Variants in DNAJC5B observed in about 807,000 individuals in gnomAD.
The protein encoded by DNAJC5B is DnaJ heat shock protein family (Hsp40) member C5 beta.
DNAJC5B carries 23 observed loss-of-function variants against 24.7 expected under a neutral mutation model. The ratio of observed to expected loss-of-function variants is 0.93; its 90% CI spans 0.67 to 1.32. The LOEUF is 1.32. DNAJC5B is among the 40% of genes most tolerant of loss of function. The pLI is 0.00. For synonymous variants in DNAJC5B, 101 were observed against 90.1 expected (o/e 1.12, Z -0.68); for missense variants, 238 against 240.8 (o/e 0.99, Z 0.08).
intron 2 of DNAJC5B, among the ~76,000 whole-genome samples, chr8:66,049,433 T>C (rs1247307800): frequency 6.6e-6 from 1 of 152,242 alleles, no homozygotes; most frequent in Non-Finnish European, 1.5e-5. Context: ...TCACACTACA[T>C]TTTTACGGTA....
chr8:66,067,951 A>G (rs1208012201), intron 3 of DNAJC5B, among the ~76,000 whole-genome samples: 2 of 152,230 alleles, frequency 1.3e-5, no homozygotes, highest in Non-Finnish European at 1.5e-5. Flanking sequence ...TTACAGAGAA[A>G]TAAATAATAG....
At chr8:66,094,262 T>A (rs942445555) in intron 5 of DNAJC5B, among the ~76,000 whole-genome samples, 2 of 152,092 alleles carry the variant, frequency 1.3e-5, no homozygotes, top group African/African-American at 2.4e-5. Flanking sequence ...AATCTACAGA[T>A]CAACAGGTAG....
At chr8:66,077,358 A>C (rs1022044017) in intron 4 of DNAJC5B, among the ~76,000 whole-genome samples, 3 of 152,168 alleles carry the variant, frequency 2.0e-5, no homozygotes, top group Admixed American at 6.6e-5. Flanking sequence ...GGAAAAGGTG[A>C]GAATTTACTA....
intron 5 of DNAJC5B, among the ~76,000 whole-genome samples, chr8:66,091,431 G>T (rs1807844702): frequency 6.6e-6 from 1 of 152,124 alleles, no homozygotes; most frequent in Non-Finnish European, 1.5e-5. Context: ...TGGGGATGGT[G>T]CACTCTAGAA....
intron 3 of DNAJC5B, among the ~76,000 whole-genome samples, chr8:66,059,747 C>T (rs1807041188): frequency 6.6e-6 from 1 of 152,172 alleles, no homozygotes. Context: ...GCCATGTTGC[C>T]ACCCTGTAGC....
At chr8:66,099,036 T>TCACACA (rs34531773) in intron 5 of DNAJC5B, among the ~76,000 whole-genome samples, 5,076 of 146,222 alleles carry the variant, frequency 0.035, 107 homozygotes, top group Non-Finnish European at 0.043. Flanking sequence ...TCTCTCTCTG[T>TCACACA]CACACACACA....
chr8:66,026,561 C>T (rs1237222577), intron 1 of DNAJC5B, among the ~76,000 whole-genome samples: 1 of 152,262 alleles, frequency 6.6e-6, no homozygotes, highest in Non-Finnish European at 1.5e-5. Context: ...CCTTGGCAGG[C>T]GGCCACACTG....
chr8:66,031,455 A>AT (rs367868108), intron 1 of DNAJC5B, among the ~76,000 whole-genome samples: 3 of 152,050 alleles, frequency 2.0e-5, no homozygotes, highest in African/African-American at 4.8e-5. Context: ...AAAGCAACCT[A>AT]TTTTTTTTAA....
chr8:66,053,440 G>A (rs1806895168), intron 3 of DNAJC5B, among the ~76,000 whole-genome samples: 1 of 152,120 alleles, frequency 6.6e-6, no homozygotes, highest in African/African-American at 2.4e-5. Flanking sequence ...AAAAAAAAAT[G>A]TTGAGTACAA....
chr8:66,029,871 G>A lies in DNAJC5B; in HGVS notation c.-142+8166G>A, dbSNP rs116888894. On this transcript the variant is annotated intron_variant, in intron 1 of 5. Coordinates refer to ENST00000276570, the MANE Select transcript of DNAJC5B (RefSeq NM_033105.6). Reference sequence around the variant, plus strand: ...TCAGAGCTGAAACTTTTGACAGTGAGGGTGGGGGTGGTCGAGAGCCCCTCA... The same window carrying A: ...TCAGAGCTGAAACTTTTGACAGTGAAGGTGGGGGTGGTCGAGAGCCCCTCA... 7.7e-3 allele frequency among the ~76,000 whole-genome samples: 1,171 copies of A among 152,260 alleles called. 6 individuals are homozygous for A. The highest frequency in any genetic ancestry group is 0.024 in the Middle Eastern group (7 of 294).
intron 2 of DNAJC5B, among the ~76,000 whole-genome samples, chr8:66,045,177 T>C (rs1288499838): frequency 6.6e-6 from 1 of 152,210 alleles, no homozygotes; most frequent in Non-Finnish European, 1.5e-5. Flanking sequence ...TTTTGGTTCC[T>C]TCATGTTTCA....
intron 5 of DNAJC5B, among the ~76,000 whole-genome samples, chr8:66,097,331 T>C (rs1402114114): frequency 6.6e-6 from 1 of 151,986 alleles, no homozygotes; most frequent in Non-Finnish European, 1.5e-5. Context: ...CAAATGTACT[T>C]AATTTGTCAA....
chr8:66,058,804 G>T (rs185823982), intron 3 of DNAJC5B, among the ~76,000 whole-genome samples: 1 of 152,304 alleles, frequency 6.6e-6, no homozygotes, highest in Admixed American at 6.5e-5. Context: ...TCAAATGACA[G>T]CTGGGAAAGG....
chr8:66,021,918 T>A (rs1030970648), intron 1 of DNAJC5B, among the ~76,000 whole-genome samples: 6 of 152,196 alleles, frequency 3.9e-5, no homozygotes, highest in African/African-American at 1.2e-4. Context: ...ATTTAGAGGT[T>A]TTTTTCTTTC....
chr8:66,043,747 G>T (rs1412578347), intron 2 of DNAJC5B, 136 bp downstream of exon 2: 1 of 151,556 alleles, frequency 6.6e-6, no homozygotes, highest in Non-Finnish European at 1.5e-5. Flanking sequence ...AGGTACTGTG[G>T]TTTACTAGTA....
intron 3 of DNAJC5B, among the ~76,000 whole-genome samples, chr8:66,060,818 G>A (rs545196769): frequency 8.4e-4 from 128 of 152,284 alleles, no homozygotes; most frequent in African/African-American, 2.9e-3. Flanking sequence ...ATTATTCAAC[G>A]AATATGTATT....
At chr8:66,099,827 A>C (rs1466200881) in intron 5 of DNAJC5B, 110 bp from the exon 6 acceptor site, 2 of 868,574 alleles carry the variant, frequency 2.3e-6, no homozygotes. Context: ...TATCTTATGA[A>C]TTGAGTTGAT....
chr8:66,081,048 T>C (rs925474528), intron 5 of DNAJC5B, among the ~76,000 whole-genome samples: 15 of 152,184 alleles, frequency 9.9e-5, no homozygotes, highest in African/African-American at 3.1e-4. Flanking sequence ...AGTCCTTCTT[T>C]ACCTGAAATA....
chr8:66,078,398 C>T (rs1159529063), intron 4 of DNAJC5B, among the ~76,000 whole-genome samples: 1 of 152,096 alleles, frequency 6.6e-6, no homozygotes, highest in Non-Finnish European at 1.5e-5. Context: ...ATCAGTGTAC[C>T]ACAAAGATAC....
Sources: gnomAD v4.1 joint callset for allele counts (sites outside exome capture counted in the v4.1 genomes callset) on GRCh38, gnomAD v4.1.1 for gene constraint, MANE v1.5 for transcripts, NCBI Gene and HGNC (gene_info 2026-07-23, HGNC 2026-07-21) for gene names.